Variants in CTSO observed in about 807,000 individuals in gnomAD.
CTSO encodes cathepsin O.
In CTSO, 40 loss-of-function variants were observed where a neutral mutation model predicts 42.4. The ratio of observed to expected loss-of-function variants is 0.94; its 90% CI spans 0.73 to 1.23. CTSO has a LOEUF of 1.23. CTSO is among the 50% of genes most tolerant of loss of function. CTSO has a pLI of 0.00. For missense variants in CTSO, 441 were observed against 396.0 expected, an observed-to-expected ratio of 1.11 and a Z score of -0.96; for synonymous variants, 156 against 146.2, an observed-to-expected ratio of 1.07 and a Z score of -0.48.
intron 5 of CTSO, among the ~76,000 whole-genome samples, chr4:155,936,450 A>T (rs566918332): frequency 6.6e-6 from 1 of 152,346 alleles, no homozygotes; most frequent in South Asian, 2.1e-4. Flanking sequence ...CCACTAAGTC[A>T]TAGGGGATTC....
intron 3 of CTSO, 114 bp from the exon 4 acceptor site, chr4:155,939,652 C>A (rs937849058): frequency 1.1e-6 from 1 of 899,784 alleles, no homozygotes; most frequent in Non-Finnish European, 1.6e-6. Context: ...TGGAAACCTA[C>A]AAAATAAATA....
intron 6 of CTSO, 68 bp downstream of exon 6, chr4:155,929,474 G>T: frequency 6.7e-7 from 1 of 1,487,154 alleles, no homozygotes; most frequent in Non-Finnish European, 9.1e-7. Flanking sequence ...ATGTTCTACA[G>T]TATGGTGATC....
intron 5 of CTSO, 28 bp from the exon 6 acceptor site, chr4:155,929,733 A>C: frequency 6.3e-7 from 1 of 1,586,370 alleles, no homozygotes; most frequent in South Asian, 1.2e-5. Context: ...ATTTGGTTAG[A>C]AAATTTAGTT....
intron 3 of CTSO, among the ~76,000 whole-genome samples, chr4:155,940,254 G>A (rs1172325719): frequency 6.6e-6 from 1 of 152,128 alleles, no homozygotes; most frequent in African/African-American, 2.4e-5. Flanking sequence ...CTGAAAGAAA[G>A]AGAGGAGACA....
rs770103426 is a variant in CTSO, at chr4:155,939,504, G to T, written c.419C>A (p.Ala140Glu). 1.2e-6 allele frequency: 2 copies of T among 1,613,882 alleles called. No individual in the cohort carries two copies. Among genetic ancestry groups the T allele is most frequent in the Non-Finnish European group, 1.7e-6 (2 of 1,179,882 alleles). ...GGCWAFSVVGAVESAYAIKGK... is the reference protein window; with the variant it reads ...GGCWAFSVVGEVESAYAIKGK... Reference sequence around the variant, plus strand: ...CTTTATTGCATAAGCAGATTCCACTGCCCCCACCACGCTGAAGGCCCAGCA... The same window carrying T: ...CTTTATTGCATAAGCAGATTCCACTTCCCCCACCACGCTGAAGGCCCAGCA... The change falls in exon 4 of 8, where the codon GCA (alanine) becomes GAA (glutamate). Residue 140 changes from alanine (A) to glutamate (E), a missense_variant. Transcript: ENST00000433477.
At position 155,925,958 on chromosome 4, in the gene CTSO, T is replaced by C; in HGVS notation, c.*78A>G. ...GTAGTTGCTGAAACTTGAAGTTGAA[T>C]AATACTTTGAAGTACTATGTTACAT... On this transcript the variant is annotated 3_prime_UTR_variant, in exon 8 of 8. Transcript: ENST00000433477. The C allele has an allele frequency of 1.6e-6, 2 of 1,240,916 alleles. No homozygotes were observed. The highest frequency in any genetic ancestry group is 2.6e-5 in the South Asian group (2 of 75,694). 76.9% of individuals were successfully genotyped at this position (1,240,916 alleles called of 1,614,324 possible). A position where few individuals can be genotyped will look rare whatever the true frequency, so the allele number is the denominator to read the frequency against.
chr4:155,953,787 C>T lies in CTSO; in HGVS notation c.61G>A (p.Gly21Ser), dbSNP rs1420294780. 2 of 1,342,902 alleles carry T rather than the reference C, an allele frequency of 1.5e-6. No individual in the cohort carries two copies. The highest frequency in any genetic ancestry group is 1.9e-6 in the Non-Finnish European group (2 of 1,043,538). The allele number at this position is 1,342,902 out of a possible 1,614,324, so 83.2% of individuals were successfully genotyped here. A position where few individuals can be genotyped will look rare whatever the true frequency, so the allele number is the denominator to read the frequency against. The change falls in exon 1 of 8, where the codon GGC (glycine) becomes AGC (serine). Residue 21 changes from glycine (G) to serine (S), a missense_variant. Coordinates refer to ENST00000433477, the MANE Select transcript of CTSO (RefSeq NM_001334.3). The stretch of plus-strand genomic sequence containing the variant: ...AAGGGGGCGCGGGAGTCCGCATCGC[C>T]GCCGCCCCGGCACAGCAGCCACAGC... Reference protein sequence around the residue: ...WLLWLLCRGGGDADSRAPFTP... With the variant: ...WLLWLLCRGGSDADSRAPFTP...
At chr4:155,935,759 TA>T (rs772859625) in intron 5 of CTSO, among the ~76,000 whole-genome samples, 2 of 151,906 alleles carry the variant, frequency 1.3e-5, no homozygotes, top group African/African-American at 4.8e-5. Flanking sequence ...CCCCAGAACT[TA>T]AAAAAAAGTC....
chr4:155,935,101 A>G (rs1276913081), intron 5 of CTSO, among the ~76,000 whole-genome samples: 1 of 152,128 alleles, frequency 6.6e-6, no homozygotes, highest in African/African-American at 2.4e-5. Context: ...GGTCTTTCCC[A>G]TGCTATTCTT....
At position 155,926,230 on chromosome 4, in the gene CTSO, G is replaced by A. The variant is rs140470444; in HGVS notation, c.932-160C>T. ...CAATGTAAACATGGTATCATCAAAAGCAGATATTAGAAGAGATTAGGCATA... is the reference window on the plus strand; with the variant it reads ...CAATGTAAACATGGTATCATCAAAAACAGATATTAGAAGAGATTAGGCATA... On this transcript the variant is annotated intron_variant, in intron 7 of 7. Coordinates refer to ENST00000433477, the MANE Select transcript of CTSO (RefSeq NM_001334.3). Among the ~76,000 whole-genome samples, 603 of 152,210 alleles carry A rather than the reference G, an allele frequency of 4.0e-3. 2 individuals carry two copies. Among genetic ancestry groups the A allele is most frequent in the Non-Finnish European group, 6.0e-3 (405 of 68,004 alleles).
At chr4:155,940,713 C>A (rs930833041) in intron 3 of CTSO, among the ~76,000 whole-genome samples, 1 of 151,940 alleles carries the variant, frequency 6.6e-6, no homozygotes, top group Non-Finnish European at 1.5e-5. Context: ...CATGGTGGTG[C>A]GCACCTGTAA....
intron 1 of CTSO, among the ~76,000 whole-genome samples, chr4:155,946,958 C>A (rs1045848093): frequency 1.3e-5 from 2 of 152,320 alleles, no homozygotes; most frequent in East Asian, 3.9e-4. Flanking sequence ...CGGGTTCACC[C>A]CATTCTCCTG....
chr4:155,951,446 G>T (rs1482972066), intron 1 of CTSO, among the ~76,000 whole-genome samples: 2 of 152,290 alleles, frequency 1.3e-5, no homozygotes, highest in East Asian at 3.9e-4. Context: ...CCAAAGTCAG[G>T]TGTCTTGTGA....
At chr4:155,944,783 C>T (rs529559720) in intron 1 of CTSO, among the ~76,000 whole-genome samples, 2 of 152,190 alleles carry the variant, frequency 1.3e-5, no homozygotes, top group East Asian at 3.9e-4. Flanking sequence ...TGATTAATGA[C>T]TCCCTGATGG....
intron 5 of CTSO, among the ~76,000 whole-genome samples, chr4:155,933,862 T>C (rs9993225): frequency 0.042 from 6,413 of 152,224 alleles, 367 homozygotes; most frequent in African/African-American, 0.12. Flanking sequence ...GTTAAAAGCA[T>C]TCCATTTTAA....
At chr4:155,928,048 A>G (rs756629849) in intron 7 of CTSO, among the ~76,000 whole-genome samples, 1 of 152,152 alleles carries the variant, frequency 6.6e-6, no homozygotes, top group Admixed American at 6.5e-5. Context: ...CAGTCTCCTA[A>G]GCTGTGTGTT....
Position 155,943,224 on chromosome 4 carries a change from G to A in CTSO, c.176C>T (p.Pro59Leu). ...ATAGAAGGCGGTGGAGTTTTCACTGGGAAATAAAGAATTCAAGTATCGATG... is the reference window on the plus strand; with the variant it reads ...ATAGAAGGCGGTGGAGTTTTCACTGAGAAATAAAGAATTCAAGTATCGATG... ...NRHRYLNSLFPSENSTAFYGI... is the reference protein window; with the variant it reads ...NRHRYLNSLFLSENSTAFYGI... Residue 59 changes from proline (P) to leucine (L), a missense_variant, in exon 2 of 8, where the codon CCC becomes CTC. Physicochemically the swap from Pro to Leu is moderately conservative, Grantham distance 98. Transcript: ENST00000433477. The A allele has an allele frequency of 6.2e-7, 1 of 1,611,668 alleles. No homozygotes were observed. The highest frequency in any genetic ancestry group is 8.5e-7 in the Non-Finnish European group (1 of 1,178,260).
At chr4:155,944,813 C>T (rs1436457199) in intron 1 of CTSO, among the ~76,000 whole-genome samples, 1 of 152,064 alleles carries the variant, frequency 6.6e-6, no homozygotes, top group Non-Finnish European at 1.5e-5. Flanking sequence ...ACCAAAGTTT[C>T]CTTGGACTGT....
At position 155,953,774 on chromosome 4, in the gene CTSO, G is replaced by A. The variant is rs902128830; in HGVS notation, c.74C>T (p.Ser25Phe). The change falls in exon 1 of 8, where the codon TCC (serine) becomes TTC (phenylalanine). Residue 25 changes from serine (S) to phenylalanine (F), a missense_variant. Ser to Phe is a radical substitution (Grantham distance 155). Coordinates refer to ENST00000433477, the MANE Select transcript of CTSO (RefSeq NM_001334.3). ...CCAGGTCGGGGTGAAGGGGGCGCGG[G>A]AGTCCGCATCGCCGCCGCCCCGGCA... ...LLCRGGGDAD[S>F]RAPFTPTWPR... 7.5e-7 allele frequency: 1 copy of A among 1,339,632 alleles called. No individual in the cohort carries two copies. Among genetic ancestry groups the A allele is most frequent in the Non-Finnish European group, 9.6e-7 (1 of 1,042,272 alleles). 83.0% of individuals were successfully genotyped at this position (1,339,632 alleles called of 1,614,324 possible). A position where few individuals can be genotyped will look rare whatever the true frequency, so the allele number is the denominator to read the frequency against.
Sources: allele counts gnomAD v4.1 joint callset (sites outside exome capture counted in the v4.1 genomes callset), GRCh38; gene constraint gnomAD v4.1.1; transcripts MANE v1.5; gene names NCBI Gene and HGNC (gene_info 2026-07-23, HGNC 2026-07-21).